AHR: variants seen among roughly 807,000 people sequenced by gnomAD.
AHR encodes the protein aryl hydrocarbon receptor, also known as AH-receptor.
Under a neutral mutation model 86.8 loss-of-function variants are expected in AHR, and 40 were observed. The ratio of observed to expected loss-of-function variants is 0.46; its 90% CI spans 0.36 to 0.60. The LOEUF (loss-of-function observed/expected upper bound fraction) is 0.60. AHR is among the 20% of genes least tolerant of loss of function. The probability of loss-of-function intolerance (pLI) is 0.00; values close to 1 mark genes in which losing one functional copy is unlikely to be tolerated. For synonymous variants in AHR, 398 were observed against 354.9 expected (o/e 1.12, Z -1.37); for missense variants, 1,001 against 1,011.6 (o/e 0.99, Z 0.14).
chr7:17,299,378 C>A (rs761495185), intron 1 of AHR, 49 bp downstream of exon 1: 9 of 1,597,286 alleles, frequency 5.6e-6, no homozygotes, highest in Non-Finnish European at 6.8e-6. Context: ...CGCTCAGGCA[C>A]GCGGGTGCGG....
chr7:17,306,830 A>G (rs1181974211), intron 1 of AHR, among the ~76,000 whole-genome samples: 1 of 152,094 alleles, frequency 6.6e-6, no homozygotes, highest in Non-Finnish European at 1.5e-5. Flanking sequence ...TCTTAACCTC[A>G]CTGTCACTGC....
At chr7:17,331,461 C>T (rs1014787594) in intron 6 of AHR, among the ~76,000 whole-genome samples, 2 of 151,830 alleles carry the variant, frequency 1.3e-5, no homozygotes, top group Admixed American at 1.3e-4. Flanking sequence ...GATATAGTAA[C>T]AAAAATTGAG....
intron 1 of AHR, among the ~76,000 whole-genome samples, chr7:17,301,934 G>T (rs1781958788): frequency 6.6e-6 from 1 of 151,684 alleles, no homozygotes; most frequent in Admixed American, 6.6e-5. Flanking sequence ...TTAGACTGTT[G>T]CCCCATACTT....
chr7:17,327,818 T>C lies in AHR; in HGVS notation c.420T>C (p.Ser140=). 5 of 1,568,568 alleles carry C rather than the reference T, an allele frequency of 3.2e-6. No individual in the cohort carries two copies. Among genetic ancestry groups the C allele is most frequent in the Non-Finnish European group, 3.5e-6 (4 of 1,150,310 alleles). Reference sequence around the variant, plus strand: ...ATGCTTTGGTCTTTTATGCTTCTTCTACTATACAAGATTATCTAGGGTTTC... The same window carrying C: ...ATGCTTTGGTCTTTTATGCTTCTTCCACTATACAAGATTATCTAGGGTTTC... ...TTDALVFYAS[S]TIQDYLGFQQ... is the part of the protein sequence containing the mutation. Residue 140 remains serine, a synonymous_variant, in exon 4 of 11, where the codon TCT becomes TCC. Transcript: ENST00000242057.
chr7:17,337,595 C>T (rs1302007457), intron 9 of AHR, among the ~76,000 whole-genome samples: 3 of 150,748 alleles, frequency 2.0e-5, no homozygotes, highest in Non-Finnish European at 4.4e-5. Flanking sequence ...CTGCCTCAGC[C>T]TCCCAAGTAG....
Position 17,346,030 on chromosome 7 carries a change from TC to T in AHR, c.*2967del, listed in dbSNP as rs1562484593. The T allele has an allele frequency of 6.5e-6, 1 of 152,740 alleles. No individual in the cohort carries two copies. Among genetic ancestry groups the T allele is most frequent in the African/African-American group, 2.4e-5 (1 of 41,460 alleles). 9.5% of individuals were successfully genotyped at this position (152,740 alleles called of 1,614,324 possible). On this transcript the variant is annotated 3_prime_UTR_variant, in exon 11 of 11. Transcript: ENST00000242057. Reference sequence around the variant, plus strand: ...TAGGTAAATGCTTTCATGGCTTTTTTCTTCAAAATGTTACTGCTTACATATA... The same window carrying T: ...TAGGTAAATGCTTTCATGGCTTTTTTTTCAAAATGTTACTGCTTACATATA...
At chr7:17,340,667 T>A (rs1475660177) in intron 10 of AHR, among the ~76,000 whole-genome samples, 1 of 152,196 alleles carries the variant, frequency 6.6e-6, no homozygotes, top group Non-Finnish European at 1.5e-5. Context: ...TTTTTATATA[T>A]GTTTGAAATT....
intron 2 of AHR, among the ~76,000 whole-genome samples, chr7:17,312,767 T>C (rs1451219115): frequency 6.6e-6 from 1 of 152,214 alleles, no homozygotes; most frequent in Non-Finnish European, 1.5e-5. Flanking sequence ...ATTATCATTA[T>C]CTTTAACGTT....
chr7:17,335,669 T>A lies in AHR; in HGVS notation c.1043T>A (p.Met348Lys). The A allele has an allele frequency of 6.3e-7, 1 of 1,581,900 alleles. No homozygotes were observed. ...IRMIKTGESG[M>K]IVFRLLTKNN... ...GTGATTAAGACTGGAGAAAGTGGCA[T>A]GATAGTTTTCCGGCTTCTTACAAAA... Residue 348 changes from methionine to lysine, a missense_variant, in exon 9 of 11, where the codon ATG becomes AAG. Physicochemically the swap from Met to Lys is moderately conservative, Grantham distance 95. Coordinates refer to ENST00000242057, the MANE Select transcript of AHR (RefSeq NM_001621.5).
chr7:17,306,369 C>T (rs1400205059), intron 1 of AHR, among the ~76,000 whole-genome samples: 2 of 152,128 alleles, frequency 1.3e-5, no homozygotes, highest in African/African-American at 4.8e-5. Flanking sequence ...GGGTCAAATG[C>T]ATTACCTTTG....
At chr7:17,328,141 A>C (rs139560949) in intron 4 of AHR, among the ~76,000 whole-genome samples, 2 of 152,114 alleles carry the variant, frequency 1.3e-5, no homozygotes, top group East Asian at 3.9e-4. Context: ...ATTATTTGCT[A>C]TCAAATAACT....
chr7:17,337,641 A>AT (rs1782368791), intron 9 of AHR, among the ~76,000 whole-genome samples: 2 of 150,272 alleles, frequency 1.3e-5, no homozygotes, highest in East Asian at 2.0e-4. Flanking sequence ...CGCCCGGCTA[A>AT]TTTTTTTGTA....
intron 10 of AHR, among the ~76,000 whole-genome samples, chr7:17,341,837 G>A (rs1782429553): frequency 6.6e-6 from 1 of 151,950 alleles, no homozygotes; most frequent in African/African-American, 2.4e-5. Context: ...TCTGTATGTG[G>A]CTCACATTAT....
At chr7:17,302,175 A>C (rs1329069213) in intron 1 of AHR, among the ~76,000 whole-genome samples, 1 of 151,978 alleles carries the variant, frequency 6.6e-6, no homozygotes, top group African/African-American at 2.4e-5. Context: ...GAAAGTTAGC[A>C]CTGAATGTTG....
At chr7:17,324,702 T>C in intron 3 of AHR, among the ~76,000 whole-genome samples, 1 of 151,558 alleles carries the variant, frequency 6.6e-6, no homozygotes, top group Admixed American at 6.6e-5. Context: ...CCCAGGAGGC[T>C]GAGGCCCGAG....
At chr7:17,302,703 G>T (rs1781966420) in intron 1 of AHR, among the ~76,000 whole-genome samples, 1 of 151,560 alleles carries the variant, frequency 6.6e-6, no homozygotes, top group Admixed American at 6.6e-5. Flanking sequence ...TAAAAAATGA[G>T]GTCTAGTTTC....
intron 3 of AHR, among the ~76,000 whole-genome samples, chr7:17,325,682 TA>T (rs1370747466): frequency 6.6e-6 from 1 of 152,128 alleles, no homozygotes; most frequent in Admixed American, 6.6e-5. Flanking sequence ...CTTAGCAAGC[TA>T]CCACAGGAAC....
rs1766967172 is a variant in AHR, at chr7:17,344,940, T to C, written c.*1876T>C. ...CACTGCATTCAGCTCTTCTTTTCTT[T>C]AGATATGAGAGCTGAAGAGCTTAGA... On this transcript the variant is annotated 3_prime_UTR_variant, in exon 11 of 11. Transcript: ENST00000242057. 6.8e-6 allele frequency: 1 copy of C among 148,096 alleles called. No individual in the cohort carries two copies. Among genetic ancestry groups the C allele is most frequent in the Admixed American group, 6.7e-5 (1 of 14,926 alleles). The allele number at this position is 148,096 out of a possible 1,614,324, so 9.2% of individuals were successfully genotyped here.
Position 17,339,412 on chromosome 7 carries a change from G to T in AHR, c.1587G>T (p.Gly529=). 6.2e-7 allele frequency: 1 copy of T among 1,614,132 alleles called. No homozygotes were observed. Among genetic ancestry groups the T allele is most frequent in the Non-Finnish European group, 8.5e-7 (1 of 1,180,022 alleles). The change falls in exon 10 of 11, where the codon GGG becomes GGT. Residue 529 remains glycine (G), a synonymous_variant. Transcript: ENST00000242057. ...DVNSFAGGHP[G]LFQDSKNSDL... ...ACTCATTTGCTGGAGGTCACCCAGGGCTCTTTCAAGATAGTAAAAACAGTG... is the reference window on the plus strand; with the variant it reads ...ACTCATTTGCTGGAGGTCACCCAGGTCTCTTTCAAGATAGTAAAAACAGTG...
Sources: allele counts gnomAD v4.1 joint callset (sites outside exome capture counted in the v4.1 genomes callset), GRCh38; gene constraint gnomAD v4.1.1; transcripts MANE v1.5; gene names NCBI Gene and HGNC (gene_info 2026-07-23, HGNC 2026-07-21).